BCL11A: variants seen among roughly 807,000 people sequenced by gnomAD.
BCL11A encodes the protein B cell CLL/lymphoma 11A.
In BCL11A, 2 loss-of-function variants were observed where a neutral mutation model predicts 55.9. The observed-to-expected ratio is 0.04, with a 90% confidence interval of 0.01 to 0.11. The LOEUF is 0.11. BCL11A is among the 10% of genes least tolerant of loss of function. BCL11A has a pLI of 1.00. For missense variants in BCL11A, 817 were observed against 1,137.1 expected, an observed-to-expected ratio of 0.72 and a Z score of 4.05; for synonymous variants, 465 against 473.4, an observed-to-expected ratio of 0.98 and a Z score of 0.23.
At chr2:60,469,167 G>A (rs1325800435) in intron 2 of BCL11A, among the ~76,000 whole-genome samples, 1 of 152,188 alleles carries the variant, frequency 6.6e-6, no homozygotes, top group Non-Finnish European at 1.5e-5. Context: ...GGGGAAAACT[G>A]GTAATATTGT....
Position 60,461,658 on chromosome 2 carries a change from G to A in BCL11A, c.1254C>T (p.Ser418=). The A allele has an allele frequency of 3.1e-6, 5 of 1,613,954 alleles. No individual in the cohort carries two copies. The highest frequency in any genetic ancestry group is 4.2e-6 in the Non-Finnish European group (5 of 1,180,040). The change falls in exon 4 of 4, where the codon AGC becomes AGT. Residue 418 remains serine, a synonymous_variant. Transcript: ENST00000642384. The part of the protein sequence containing the change: ...NLCDHACTQA[S]KLKRHMKTHM... ...GCGTCTTCATGTGGCGCTTCAGCTT[G>A]CTGGCCTGGGTGCACGCGTGGTCGC...
intron 2 of BCL11A, chr2:60,508,913 G>A (rs1199113192): frequency 6.6e-6 from 1 of 152,310 alleles, no homozygotes. Flanking sequence ...CTTGAGGGAT[G>A]TTAAACTTAC....
At chr2:60,452,694 G>A, downstream of BCL11A, 2 of 1,555,202 alleles carry the variant, frequency 1.3e-6, no homozygotes, top group East Asian at 2.2e-5. Context: ...ACAGAGGAGG[G>A]GGAAAAAAAA....
chr2:60,467,843 GTGATGCTACTGGTGGTGATGGTAC>G (rs1676896588), intron 3 of BCL11A, among the ~76,000 whole-genome samples: 1 of 110,596 alleles, frequency 9.0e-6, no homozygotes, highest in African/African-American at 3.4e-5. Context: ...GGTGGTGGTG[GTGATGCTACTGGTGGTGATGGTAC>G]TGGTGGTGAT....
At chr2:60,511,613 A>T (rs942981972) in intron 2 of BCL11A, among the ~76,000 whole-genome samples, 3 of 152,184 alleles carry the variant, frequency 2.0e-5, no homozygotes, top group African/African-American at 7.2e-5. Context: ...AGACTCAAAG[A>T]GCTACACTCT....
chr2:60,512,834 G>A lies in BCL11A; in HGVS notation c.385+33137C>T, dbSNP rs1011381279. 3.9e-5 allele frequency among the ~76,000 whole-genome samples: 6 copies of A among 152,186 alleles called. No individual in the cohort carries two copies. The East Asian group carries it at 9.6e-4, about 24-fold the overall frequency. ...CCTCTGATGACGGATAGGAGAACAAGCAGGTTTTACTACAATACACACCTA... is the reference window on the plus strand; with the variant it reads ...CCTCTGATGACGGATAGGAGAACAAACAGGTTTTACTACAATACACACCTA... On this transcript the variant is annotated intron_variant, in intron 2 of 3. Coordinates refer to ENST00000642384, the MANE Select transcript of BCL11A (RefSeq NM_022893.4).
chr2:60,485,226 T>C (rs1023616057), intron 2 of BCL11A, among the ~76,000 whole-genome samples: 4 of 152,086 alleles, frequency 2.6e-5, no homozygotes, highest in Admixed American at 6.6e-5. Context: ...GGCCTTGGAG[T>C]TACTGGCTTA....
intron 2 of BCL11A, among the ~76,000 whole-genome samples, chr2:60,488,764 G>T (rs1374142212): frequency 2.0e-5 from 3 of 151,700 alleles, no homozygotes; most frequent in Admixed American, 6.6e-5. Flanking sequence ...TTGTTTGTTT[G>T]TTTTTTGTTT....
intron 2 of BCL11A, among the ~76,000 whole-genome samples, chr2:60,518,217 T>G (rs187024090): frequency 6.6e-6 from 1 of 152,192 alleles, no homozygotes; most frequent in Non-Finnish European, 1.5e-5. Context: ...TTTTTATCTA[T>G]CAAACCTAGA....
chr2:60,524,881 T>C (rs1669142201), intron 2 of BCL11A: 1 of 152,228 alleles, frequency 6.6e-6, no homozygotes, highest in Admixed American at 6.5e-5. Flanking sequence ...ACATCCGTGC[T>C]AAAAGCCAAT....
intron 2 of BCL11A, among the ~76,000 whole-genome samples, chr2:60,486,175 T>G (rs1352917676): frequency 2.6e-5 from 4 of 152,096 alleles, no homozygotes; most frequent in African/African-American, 9.7e-5. Context: ...CAAGACATCC[T>G]AGGGAGACTG....
intron 1 of BCL11A, among the ~76,000 whole-genome samples, chr2:60,550,229 C>T (rs553964530): frequency 6.6e-6 from 1 of 152,144 alleles, no homozygotes; most frequent in South Asian, 2.1e-4. Context: ...AAAACTGCAC[C>T]GTGCTCCGAG....
rs992787664 is a variant in BCL11A, at chr2:60,459,736, T to A, written c.*668A>T. On this transcript the variant is annotated 3_prime_UTR_variant, in exon 4 of 4. Coordinates refer to ENST00000642384, the MANE Select transcript of BCL11A (RefSeq NM_022893.4). The stretch of plus-strand genomic sequence containing the variant: ...CTTGTTCTGTTTTTCTGTTAATTTG[T>A]CAATTCAAGGCCTTTTTTCTTCCTT... The A allele has an allele frequency of 1.3e-5, 14 of 1,039,108 alleles. No homozygotes were observed. In the African/African-American group the frequency reaches 2.3e-4, roughly 17 times the overall value. The allele number at this position is 1,039,108 out of a possible 1,614,324, so 64.4% of individuals were successfully genotyped here.
chr2:60,456,213 G>A (rs1041803257), downstream of BCL11A, among the ~76,000 whole-genome samples: 3 of 152,114 alleles, frequency 2.0e-5, no homozygotes, highest in Admixed American at 6.5e-5. Context: ...CAACAGAACG[G>A]CTTTTGTTTT....
At chr2:60,498,985 G>A (rs1034702853) in intron 2 of BCL11A, among the ~76,000 whole-genome samples, 3 of 152,156 alleles carry the variant, frequency 2.0e-5, no homozygotes. Context: ...TGAGAGGCAG[G>A]GCCAGTGTTT....
chr2:60,497,688 T>G (rs994928239), intron 2 of BCL11A, among the ~76,000 whole-genome samples: 1 of 152,180 alleles, frequency 6.6e-6, no homozygotes, highest in Non-Finnish European at 1.5e-5. Flanking sequence ...CAATTTAACA[T>G]CCTTTACTTT....
Position 60,553,392 on chromosome 2 carries a change from G to T in BCL11A, c.-122C>A. Reference sequence around the variant, plus strand: ...CTCCAGAGAAAATATCTTCATCAGTGCCTTTTGACATCCAAAATAAATTAG... The same window carrying T: ...CTCCAGAGAAAATATCTTCATCAGTTCCTTTTGACATCCAAAATAAATTAG... On this transcript the variant is annotated 5_prime_UTR_variant, in exon 1 of 4. Transcript: ENST00000642384. 3 of 893,656 alleles carry T rather than the reference G, an allele frequency of 3.4e-6. No homozygotes were observed. The highest frequency in any genetic ancestry group is 5.0e-6 in the Non-Finnish European group (3 of 602,972). 55.4% of individuals were successfully genotyped at this position (893,656 alleles called of 1,614,324 possible). A position where few individuals can be genotyped will look rare whatever the true frequency, so the allele number is the denominator to read the frequency against.
chr2:60,488,111 G>A (rs1461643398), intron 2 of BCL11A, among the ~76,000 whole-genome samples: 1 of 152,182 alleles, frequency 6.6e-6, no homozygotes, highest in Non-Finnish European at 1.5e-5. Context: ...TCATTATGTA[G>A]AAACATTTAA....
chr2:60,466,260 G>C (rs534634425), intron 3 of BCL11A, among the ~76,000 whole-genome samples: 1 of 151,754 alleles, frequency 6.6e-6, no homozygotes, highest in African/African-American at 2.4e-5. Flanking sequence ...ATGTTTCCCT[G>C]GCAACAGCCC....
Sources: allele counts gnomAD v4.1 joint callset (sites outside exome capture counted in the v4.1 genomes callset), GRCh38; gene constraint gnomAD v4.1.1; transcripts MANE v1.5; gene names NCBI Gene and HGNC (gene_info 2026-07-23, HGNC 2026-07-21).